The following EPB41L1 variants were observed in gnomAD, a reference collection of about 807,000 sequenced individuals.
EPB41L1 encodes band 4.1-like protein 1.
A neutral mutation model predicts 97.8 loss-of-function variants in EPB41L1; 29 were observed. The ratio of observed to expected loss-of-function variants is 0.30; its 90% CI spans 0.22 to 0.40. The LOEUF is 0.40. Among genes scored for constraint, EPB41L1 ranks in the 10% least tolerant of loss-of-function variants. EPB41L1 has a pLI of 1.00. For synonymous variants in EPB41L1, 383 were observed against 459.2 expected (o/e 0.83, Z 2.12); for missense variants, 812 against 1,162.3 (o/e 0.70, Z 4.38).
At chr20:36,096,858 C>T (rs1312440753) in intron 1 of EPB41L1, among the ~76,000 whole-genome samples, 1 of 152,244 alleles carries the variant, frequency 6.6e-6, no homozygotes, top group Non-Finnish European at 1.5e-5. Flanking sequence ...TATAAAATGG[C>T]AGATGGCACT....
Position 36,206,096 on chromosome 20 carries a change from A to G in EPB41L1, c.1669-3392A>G. 7.8e-7 allele frequency: 1 copy of G among 1,289,886 alleles called. No homozygotes were observed. The highest frequency in any genetic ancestry group is 1.0e-6 in the Non-Finnish European group (1 of 988,890). 79.9% of individuals were successfully genotyped at this position (1,289,886 alleles called of 1,614,324 possible). ...GGAAAAATGATTGCAAGTCCTGAAG[A>G]CTTTGAGTCAGTGGGGGAGGAAGGC... On this transcript the variant is annotated intron_variant, in intron 14 of 21. Transcript: ENST00000338074. This position sits in a 1 kb window ranked among gnomAD's most constrained non-coding sequence, Gnocchi z 5.5.
chr20:36,125,848 G>A (rs1323667466), intron 2 of EPB41L1, among the ~76,000 whole-genome samples: 1 of 152,146 alleles, frequency 6.6e-6, no homozygotes, highest in Non-Finnish European at 1.5e-5. Flanking sequence ...TGTTGGTGTG[G>A]CCTGGTGAGA....
intron 17 of EPB41L1, among the ~76,000 whole-genome samples, chr20:36,217,741 G>A (rs1336663063): frequency 6.6e-6 from 1 of 152,178 alleles, no homozygotes. Flanking sequence ...CTGGGAACGT[G>A]CCTTGTGGTG....
chr20:36,157,854 A>G (rs1243080792), intron 1 of EPB41L1, among the ~76,000 whole-genome samples: 1 of 152,054 alleles, frequency 6.6e-6, no homozygotes, highest in African/African-American at 2.4e-5. Flanking sequence ...TGGGCTAAGG[A>G]GGCCCTGTGG....
chr20:36,208,658 G>A (rs1484199095), intron 14 of EPB41L1, among the ~76,000 whole-genome samples: 2 of 152,332 alleles, frequency 1.3e-5, no homozygotes, highest in East Asian at 3.9e-4. Context: ...TCTTTCATGG[G>A]TATTAGGTTG....
At chr20:36,164,891 G>A (rs2060674338) in intron 1 of EPB41L1, among the ~76,000 whole-genome samples, 1 of 152,034 alleles carries the variant, frequency 6.6e-6, no homozygotes, top group South Asian at 2.1e-4. Flanking sequence ...TCACGATATT[G>A]GTTAGGCTGG....
chr20:36,142,747 T>C lies in EPB41L1; in HGVS notation c.-10+30267T>C, dbSNP rs566161317. On this transcript the variant is annotated intron_variant, in intron 2 of 19. Transcript: ENST00000202028. ...GGGCTTACCTGCCCGGGCTGTGCTGTGCTGTGCTGTGTTGGCCCGACTGTA... is the reference window on the plus strand; with the variant it reads ...GGGCTTACCTGCCCGGGCTGTGCTGCGCTGTGCTGTGTTGGCCCGACTGTA... 1.5e-3 allele frequency among the ~76,000 whole-genome samples: 223 copies of C among 152,252 alleles called. 1 individual carries two copies. The highest frequency in any genetic ancestry group is 2.0e-3 in the Non-Finnish European group (138 of 68,014).
chr20:36,186,948 C>T (rs1004975411), intron 7 of EPB41L1, among the ~76,000 whole-genome samples: 7 of 152,230 alleles, frequency 4.6e-5, no homozygotes. Flanking sequence ...CAAATTCTGA[C>T]TCTTCTTCAT....
At chr20:36,220,960 C>T (rs2063745504) in intron 19 of EPB41L1, among the ~76,000 whole-genome samples, 2 of 152,204 alleles carry the variant, frequency 1.3e-5, no homozygotes, top group Admixed American at 1.3e-4. Context: ...GCCTGCGCCT[C>T]TACAGGATTC....
chr20:36,130,781 A>T (rs756123123), intron 2 of EPB41L1, among the ~76,000 whole-genome samples: 10 of 147,390 alleles, frequency 6.8e-5, no homozygotes, highest in Non-Finnish European at 1.2e-4. Flanking sequence ...TTTGATTTTT[A>T]AAAATTTCTC....
Position 36,232,463 on chromosome 20 carries a change from T to C in EPB41L1, c.*3123T>C, listed in dbSNP as rs950478978. The C allele has an allele frequency of 5.0e-6, 2 of 397,686 alleles. No individual in the cohort carries two copies. The highest frequency in any genetic ancestry group is 3.6e-5 in the East Asian group (1 of 28,044). The allele number at this position is 397,686 out of a possible 1,614,324, so 24.6% of individuals were successfully genotyped here. A position where few individuals can be genotyped will look rare whatever the true frequency, so the allele number is the denominator to read the frequency against. ...TCTCCAGGGTCTTTTTCTACTTTGC[T>C]ATCTCATGGGTCTTCATTTTCTCTT... is the stretch of plus-strand genomic sequence containing the variant. On this transcript the variant is annotated 3_prime_UTR_variant, in exon 22 of 22. Coordinates refer to ENST00000338074, the MANE Select transcript of EPB41L1 (RefSeq NM_012156.2).
chr20:36,133,753 A>G (rs1375417520), intron 2 of EPB41L1, among the ~76,000 whole-genome samples: 2 of 151,086 alleles, frequency 1.3e-5, no homozygotes, highest in Non-Finnish European at 2.9e-5. Context: ...ACTACTCAGG[A>G]GGCTGAGGCG....
intron 1 of EPB41L1, among the ~76,000 whole-genome samples, chr20:36,162,188 C>A (rs930887480): frequency 2.6e-4 from 40 of 152,172 alleles, no homozygotes; most frequent in African/African-American, 8.7e-4. Flanking sequence ...GCTCATAAGC[C>A]CATGTCTGTA....
chr20:36,192,347 A>T (rs980899316), intron 11 of EPB41L1, among the ~76,000 whole-genome samples: 1 of 152,050 alleles, frequency 6.6e-6, no homozygotes, highest in Admixed American at 6.6e-5. Context: ...CCTGGCCAAC[A>T]TGGTGAAACC....
At chr20:36,182,657 T>C (rs2061519022) in intron 6 of EPB41L1, among the ~76,000 whole-genome samples, 1 of 152,200 alleles carries the variant, frequency 6.6e-6, no homozygotes, top group Non-Finnish European at 1.5e-5. Flanking sequence ...GGGCCATCAC[T>C]GTCATGTAGG....
Position 36,230,544 on chromosome 20 carries a change from G to A in EPB41L1, c.*1204G>A, listed in dbSNP as rs936212872. ...AGGGGTGGGGGGCCCTAATGGAGAGGTGTGGGTTTGGCAAGAAAGAAGCAA... is the reference window on the plus strand; with the variant it reads ...AGGGGTGGGGGGCCCTAATGGAGAGATGTGGGTTTGGCAAGAAAGAAGCAA... On this transcript the variant is annotated 3_prime_UTR_variant, in exon 22 of 22. Transcript: ENST00000338074. 2.0e-5 allele frequency: 3 copies of A among 152,406 alleles called. No individual in the cohort carries two copies. The highest frequency in any genetic ancestry group is 7.3e-5 in the African/African-American group (3 of 41,364). 9.4% of individuals were successfully genotyped at this position (152,406 alleles called of 1,614,324 possible).
At position 36,206,979 on chromosome 20, in the gene EPB41L1, CA is replaced by C; in HGVS notation, c.1669-2507del. The C allele has an allele frequency of 7.8e-7, 1 of 1,290,002 alleles. No individual in the cohort carries two copies. Among genetic ancestry groups the C allele is most frequent in the Non-Finnish European group, 1.0e-6 (1 of 988,906 alleles). The allele number at this position is 1,290,002 out of a possible 1,614,324, so 79.9% of individuals were successfully genotyped here. On this transcript the variant is annotated intron_variant, in intron 14 of 21. Transcript: ENST00000338074. The surrounding 1 kb of genome is among the most constrained non-coding windows in gnomAD (Gnocchi z 5.5). ...GGAAGCCAGTCAAACCAGACAGAGG[CA>C]ACTTCCCACCCAAAGAGAGGGGAGT...
intron 1 of EPB41L1, among the ~76,000 whole-genome samples, chr20:36,108,365 T>A (rs2147560923): frequency 6.6e-6 from 1 of 152,216 alleles, no homozygotes; most frequent in Admixed American, 6.5e-5. Flanking sequence ...CCCTCATTCC[T>A]TTGTGCTTTT....
At chr20:36,109,730 C>T (rs1415505808) in intron 1 of EPB41L1, 1 of 152,102 alleles carries the variant, frequency 6.6e-6, no homozygotes, top group Non-Finnish European at 1.5e-5. Flanking sequence ...TTCCATTTTA[C>T]AGATGAGGAA....
Sources: allele counts gnomAD v4.1 joint callset (sites outside exome capture counted in the v4.1 genomes callset), GRCh38; gene constraint gnomAD v4.1.1; non-coding constraint Gnocchi (gnomAD v3.1); transcripts MANE v1.5; gene names NCBI Gene and HGNC (gene_info 2026-07-23, HGNC 2026-07-21).